The following ARAF variants were observed in gnomAD, a reference collection of about 807,000 sequenced individuals.
ARAF encodes the protein serine/threonine-protein kinase A-Raf.
A neutral mutation model predicts 48.0 loss-of-function variants in ARAF; 18 were observed. The observed-to-expected ratio is 0.37, with a 90% CI of 0.26 to 0.56. The LOEUF (loss-of-function observed/expected upper bound fraction) is 0.56, where lower values mean the gene tolerates loss of function less well. Among genes scored for constraint, ARAF ranks in the 20% least tolerant of loss-of-function variants. ARAF has a pLI of 0.77. For missense variants in ARAF, 389 were observed against 543.1 expected (o/e 0.72, Z 2.82); for synonymous variants, 207 against 220.1 (o/e 0.94, Z 0.53).
intron 14 of ARAF, chrX:47,570,353 G>T (rs1385064847): frequency 5.1e-6 from 1 of 195,899 alleles, no homozygotes; most frequent in African/African-American, 2.9e-5. Context: ...GCCTATAGTC[G>T]TCTGCTCTGG....
At position 47,563,060 on chromosome X, in the gene ARAF, G is replaced by A. The variant is rs368665293; in HGVS notation, c.93G>A (p.Thr31=). 1.0e-5 allele frequency: 12 copies of A among 1,192,973 alleles called. No homozygotes were observed. The highest frequency in any genetic ancestry group is 9.1e-5 in the East Asian group (3 of 32,875). ...TATACCTGCCCAACAAGCAACGCAC[G>A]GTGGTGAGTCATGGAAGCGAAATGG... is the stretch of plus-strand genomic sequence containing the variant. ...VKVYLPNKQR[T]VVTVRDGMSV... is the part of the protein sequence containing the mutation. The change falls in exon 2 of 16, where the codon ACG becomes ACA. Residue 31 remains threonine (T), a synonymous_variant. Coordinates refer to ENST00000377045, the MANE Select transcript of ARAF (RefSeq NM_001654.5).
chrX:47,565,648 T>C (rs2057729383), intron 6 of ARAF: 6 of 171,520 alleles, frequency 3.5e-5, no homozygotes, highest in Admixed American at 2.4e-4. Flanking sequence ...GTGTAAATAA[T>C]CAATTTTTTT....
chrX:47,571,564 C>G lies in ARAF; in HGVS notation c.*107C>G. On this transcript the variant is annotated 3_prime_UTR_variant, in exon 16 of 16. Coordinates refer to ENST00000377045, the MANE Select transcript of ARAF (RefSeq NM_001654.5). ...TGCCCTGATGCTGCCTCAGGATCCCCCATTCCCCACCCTGGGAGATGAGGG... is the reference window on the plus strand; with the variant it reads ...TGCCCTGATGCTGCCTCAGGATCCCGCATTCCCCACCCTGGGAGATGAGGG... 9.7e-7 allele frequency: 1 copy of G among 1,031,093 alleles called. No homozygotes were observed. The highest frequency in any genetic ancestry group is 1.3e-6 in the Non-Finnish European group (1 of 787,126). The allele number at this position is 1,031,093 out of a possible 1,213,427, so 85.0% of individuals were successfully genotyped here. A position where few individuals can be genotyped will look rare whatever the true frequency, so the allele number is the denominator to read the frequency against.
chrX:47,564,858 G>A lies in ARAF; in HGVS notation c.262G>A (p.Val88Ile). The A allele has an allele frequency of 8.3e-7, 1 of 1,211,108 alleles. No individual in the cohort carries two copies. Among genetic ancestry groups the A allele is most frequent in the South Asian group, 1.8e-5 (1 of 56,845 alleles). ...TCCCCTGGATGGCGAGGAGCTCATT[G>A]TCGAGGTCCTTGAAGATGTCCCGCT... ...IAPLDGEELI[V>I]EVLEDVPLTM... Residue 88 changes from valine to isoleucine, a missense_variant, in exon 4 of 16, where the codon GTC (valine) becomes ATC (isoleucine). Val to Ile is a conservative substitution (Grantham distance 29). Transcript: ENST00000377045.
chrX:47,569,153 T>A, intron 12 of ARAF, 120 bp downstream of exon 12: 1 of 942,217 alleles, frequency 1.1e-6, no homozygotes, highest in Non-Finnish European at 1.5e-6. Flanking sequence ...CCTTGCCAGG[T>A]GGCAGAGCTG....
intron 6 of ARAF, chrX:47,565,554 G>A: frequency 1.7e-6 from 1 of 577,961 alleles, no homozygotes; most frequent in Admixed American, 4.4e-5. Flanking sequence ...AAGAGGGGAT[G>A]ATGATACTTT....
In ARAF at chrX:47,571,627, G is replaced by T. The variant is rs1371736177; in HGVS notation, c.*170G>T. 18 of 716,356 alleles carry T rather than the reference G, an allele frequency of 2.5e-5. No individual in the cohort carries two copies. In the East Asian group the frequency reaches 6.9e-4, roughly 27 times the overall value. 59.0% of individuals were successfully genotyped at this position (716,356 alleles called of 1,213,427 possible). ...CTTTTCCAGTTCTTCTGGAATTGGG[G>T]GACCCCCGCCAAAGACTGAGCCCCC... On this transcript the variant is annotated 3_prime_UTR_variant, in exon 16 of 16. Coordinates refer to ENST00000377045, the MANE Select transcript of ARAF (RefSeq NM_001654.5).
chrX:47,568,469 C>T lies in ARAF; in HGVS notation c.1077-249C>T, dbSNP rs2057742211. 3.6e-5 allele frequency among the ~76,000 whole-genome samples: 4 copies of T among 110,465 alleles called. No homozygotes were observed. The Admixed American group carries it at 3.9e-4, about 11-fold the overall frequency. The stretch of plus-strand genomic sequence containing the variant: ...GGGAGGGGGAGGGGCAGCAATTCCT[C>T]CCTCCTGCTTTTGTTGGGAGACTCG... On this transcript the variant is annotated intron_variant, in intron 10 of 15. Coordinates refer to ENST00000377045, the MANE Select transcript of ARAF (RefSeq NM_001654.5).
chrX:47,570,259 T>A, intron 14 of ARAF: 1 of 367,904 alleles, frequency 2.7e-6, no homozygotes, highest in Non-Finnish European at 4.7e-6. Context: ...GACAAAAATC[T>A]TTGAAGTCCA....
rs56322617 is a variant in ARAF at position 47,567,358 on chromosome X, C to T, written c.1002C>T (p.Ala334=). ...VFRGRWHGDV[A]VKVLKVSQPT... ...GAGGGCGGTGGCATGGCGATGTGGCCGTGAAGGTGCTCAAGGTGTCCCAGC... is the reference window on the plus strand; with the variant it reads ...GAGGGCGGTGGCATGGCGATGTGGCTGTGAAGGTGCTCAAGGTGTCCCAGC... Residue 334 remains alanine (A), a synonymous_variant, in exon 10 of 16, where the codon GCC becomes GCT. Coordinates refer to ENST00000377045, the MANE Select transcript of ARAF (RefSeq NM_001654.5). 6,851 of 1,208,493 alleles carry T rather than the reference C, an allele frequency of 5.7e-3. 16 individuals are homozygous for T. The highest frequency in any genetic ancestry group is 8.8e-3 in the Middle Eastern group (38 of 4,325).
In ARAF at chrX:47,562,927, C is replaced by T. The variant is rs1483112884; in HGVS notation, c.-41C>T. The T allele has an allele frequency of 1.1e-5, 12 of 1,067,082 alleles. No homozygotes were observed. Among genetic ancestry groups the T allele is most frequent in the Admixed American group, 3.1e-5 (1 of 32,185 alleles). The allele number at this position is 1,067,082 out of a possible 1,213,427, so 87.9% of individuals were successfully genotyped here. On this transcript the variant is annotated 5_prime_UTR_variant, in exon 2 of 16. Coordinates refer to ENST00000377045, the MANE Select transcript of ARAF (RefSeq NM_001654.5). ...CTTGTAGGAGCCCCATGGCACCTGC[C>T]CAGCCCCACCTCAGCCCATCTTGAC... is the stretch of plus-strand genomic sequence containing the variant.
chrX:47,567,194 G>A, intron 9 of ARAF, 36 bp from the exon 10 acceptor site: 1 of 1,210,584 alleles, frequency 8.3e-7, no homozygotes, highest in Non-Finnish European at 1.1e-6. Context: ...GAGGGATGTG[G>A]GCAGGCCTCT....
At position 47,571,109 on chromosome X, in the gene ARAF, TA is replaced by T. The variant is rs200466529; in HGVS notation, c.1686+98del. ...ATGTGAATATGAAAGCTCAGAGGTA[TA>T]GTGTGTGTGTGTGTGTGTGTGTGTG... On this transcript the variant is annotated intron_variant, in intron 15 of 15. Transcript: ENST00000377045. The T allele has an allele frequency of 4.0e-3, 3,829 of 960,840 alleles. 64 individuals carry two copies. The Admixed American group carries it at 0.067, about 17-fold the overall frequency. The allele number at this position is 960,840 out of a possible 1,213,427, so 79.2% of individuals were successfully genotyped here.
rs1199774765 is a variant in ARAF at position 47,565,097 on chromosome X, A to G, written c.416A>G (p.Lys139Arg). Reference sequence around the variant, plus strand: ...AAGTTCCACCAGCATTGTTCCTCCAAGGTCCCCACAGTCTGTGTTGACATG... The same window carrying G: ...AAGTTCCACCAGCATTGTTCCTCCAGGGTCCCCACAGTCTGTGTTGACATG... ...GYKFHQHCSSKVPTVCVDMST... is the reference protein window; with the variant it reads ...GYKFHQHCSSRVPTVCVDMST... Residue 139 changes from lysine (K) to arginine (R), a missense_variant, in exon 5 of 16, where the codon AAG becomes AGG. Around this residue, in one of 4 missense-constraint regions of ARAF, gnomAD observed 18 missense variants for 61.1 expected, o/e 0.29. Transcript: ENST00000377045. 8.3e-7 allele frequency: 1 copy of G among 1,211,149 alleles called. No individual in the cohort carries two copies. The highest frequency in any genetic ancestry group is 1.1e-6 in the Non-Finnish European group (1 of 895,217).
intron 3 of ARAF, among the ~76,000 whole-genome samples, chrX:47,563,656 G>A (rs2057720021): frequency 8.9e-6 from 1 of 112,519 alleles, no homozygotes; most frequent in African/African-American, 3.2e-5. Flanking sequence ...ATCAAAACTA[G>A]CATGAATTTA....
In ARAF at chrX:47,565,331, C is replaced by G. The variant is rs1290871003; in HGVS notation, c.538C>G (p.Leu180Val). 2.5e-6 allele frequency: 3 copies of G among 1,211,610 alleles called. No individual in the cohort carries two copies. Among genetic ancestry groups the G allele is most frequent in the Non-Finnish European group, 3.4e-6 (3 of 895,188 alleles). The change falls in exon 6 of 16, where the codon CTA (leucine) becomes GTA (valine). Residue 180 changes from leucine (L) to valine (V), a missense_variant. Around this residue, in one of 4 missense-constraint regions of ARAF, gnomAD observed 154 missense variants for 133.6 expected, o/e 1.15. Coordinates refer to ENST00000377045, the MANE Select transcript of ARAF (RefSeq NM_001654.5). Reference sequence around the variant, plus strand: ...CTCGAACCGCCCCCTGAATGAGTTGCTAACCCCCCAGGGTCCCAGGTAGGG... The same window carrying G: ...CTCGAACCGCCCCCTGAATGAGTTGGTAACCCCCCAGGGTCCCAGGTAGGG... ...APSNRPLNELLTPQGPSPRTQ... is the reference protein window; with the variant it reads ...APSNRPLNELVTPQGPSPRTQ...
At chrX:47,566,197 T>C (rs756077299) in intron 6 of ARAF, among the ~76,000 whole-genome samples, 2 of 111,741 alleles carry the variant, frequency 1.8e-5, no homozygotes, top group Non-Finnish European at 3.8e-5. Context: ...TAATATATAA[T>C]TATAAAATAT....
chrX:47,566,702 A>G lies in ARAF; in HGVS notation c.621A>G (p.Leu207=). 2 of 1,202,877 alleles carry G rather than the reference A, an allele frequency of 1.7e-6. No individual in the cohort carries two copies. Among genetic ancestry groups the G allele is most frequent in the Non-Finnish European group, 2.2e-6 (2 of 891,286 alleles). ...FPFPAPANAP[L]QRIRSTSTPN... ...TCCCTGCCCCAGCCAATGCCCCCCT[A>G]CAGCGCATCCGCTCCACGTCCACTC... The change falls in exon 7 of 16, where the codon CTA becomes CTG. Residue 207 remains leucine, a synonymous_variant. Coordinates refer to ENST00000377045, the MANE Select transcript of ARAF (RefSeq NM_001654.5).
At position 47,567,113 on chromosome X, in the gene ARAF, C is replaced by T. The variant is rs777457066; in HGVS notation, c.855C>T (p.Ala285=). 22 of 1,209,518 alleles carry T rather than the reference C, an allele frequency of 1.8e-5. No homozygotes were observed. Among genetic ancestry groups the T allele is most frequent in the African/African-American group, 1.4e-4 (8 of 57,135 alleles). The change falls in exon 9 of 16, where the codon GCC becomes GCT. Residue 285 remains alanine (A), a synonymous_variant. Coordinates refer to ENST00000377045, the MANE Select transcript of ARAF (RefSeq NM_001654.5). ...PAEQRERKSL[A]DDKKKVKNLG... ...AGCAGCGCGAGCGGAAGTCCTTGGCCGATGACAAGAAGAAAGTGGTATGCT... is the reference window on the plus strand; with the variant it reads ...AGCAGCGCGAGCGGAAGTCCTTGGCTGATGACAAGAAGAAAGTGGTATGCT...
Sources: allele counts gnomAD v4.1 joint callset (sites outside exome capture counted in the v4.1 genomes callset), GRCh38; gene constraint gnomAD v4.1.1; regional missense constraint gnomAD v4.1.1; transcripts MANE v1.5; gene names NCBI Gene and HGNC (gene_info 2026-07-23, HGNC 2026-07-21).